HMGXB4: variants seen among roughly 807,000 people sequenced by gnomAD.
The protein encoded by HMGXB4 is HMG domain-containing protein 4.
In HMGXB4, 27 loss-of-function variants were observed where a neutral mutation model predicts 63.9. That is an observed-to-expected ratio of 0.42 (90% CI 0.31 to 0.58). The LOEUF is 0.58. Ranked by LOEUF, HMGXB4 falls within the 20% of genes least tolerant of loss-of-function variation. The probability of loss-of-function intolerance (pLI) is 0.13; values close to 1 mark genes in which losing one functional copy is unlikely to be tolerated. For synonymous variants in HMGXB4, 264 were observed against 265.3 expected, an observed-to-expected ratio of 0.99 and a Z score of 0.05; for missense variants, 624 against 700.7, an observed-to-expected ratio of 0.89 and a Z score of 1.24.
At chr22:35,279,223 C>T (rs139262487) in intron 5 of HMGXB4, among the ~76,000 whole-genome samples, 1,498 of 134,948 alleles carry the variant, frequency 0.011, 27 homozygotes, top group African/African-American at 0.038. Context: ...CTCGGCTCAC[C>T]GCAACCTCTG....
chr22:35,251,142 T>C, the HMGXB4 span, among the ~76,000 whole-genome samples: 1 of 152,102 alleles, frequency 6.6e-6, no homozygotes, highest in East Asian at 1.9e-4. Context: ...TGGCGCGATC[T>C]TGGCTCACTG....
chr22:35,264,625 G>C (rs1248503140), intron 4 of HMGXB4, 23 bp from the exon 5 acceptor site: 1 of 1,515,770 alleles, frequency 6.6e-7, no homozygotes, highest in East Asian at 2.3e-5. Flanking sequence ...CATATTGACA[G>C]TACTTCTCTT....
upstream of HMGXB4, among the ~76,000 whole-genome samples, chr22:35,253,014 C>G (rs1395610971): frequency 1.3e-5 from 2 of 151,952 alleles, no homozygotes; most frequent in African/African-American, 4.8e-5. Context: ...TACCTGTAAT[C>G]CCAGCTACTT....
At position 35,263,142 on chromosome 22, in the gene HMGXB4, G is replaced by GA; in HGVS notation, c.102dup (p.Arg35ThrfsTer28). On this transcript the variant is annotated frameshift_variant, in exon 3 of 11. Coordinates refer to ENST00000216106, the MANE Select transcript of HMGXB4 (RefSeq NM_001003681.3). LOFTEE classifies it high-confidence loss of function. ...TTGCAGCTGGCCGAAGCCAACGAGA[G>GA]AAAAAACGTTCTTACAAAGATTTTT... The GA allele has an allele frequency of 6.2e-7, 1 of 1,613,822 alleles. No homozygotes were observed. The highest frequency in any genetic ancestry group is 8.5e-7 in the Non-Finnish European group (1 of 1,179,866).
At chr22:35,281,542 A>G (rs965505237) in intron 5 of HMGXB4, among the ~76,000 whole-genome samples, 1 of 152,266 alleles carries the variant, frequency 6.6e-6, no homozygotes, top group Non-Finnish European at 1.5e-5. Context: ...GAATAGGAAC[A>G]TTAACCTTTT....
At chr22:35,258,318 G>A (rs1199274483) in intron 1 of HMGXB4, 2 of 152,140 alleles carry the variant, frequency 1.3e-5, no homozygotes, top group Admixed American at 6.5e-5. Context: ...GTGCAAAAGC[G>A]GAGAAACATC....
rs1211237257 is a variant in HMGXB4, at chr22:35,273,310, A to G, written c.1215+7707A>G. 3.3e-5 allele frequency among the ~76,000 whole-genome samples: 5 copies of G among 152,228 alleles called. No individual in the cohort carries two copies. The East Asian group carries it at 9.6e-4, about 29-fold the overall frequency. ...AGCTATAATCTTTCCACTATGCCAC[A>G]TGCCTTTCCACAACTTTAAGACATG... On this transcript the variant is annotated intron_variant, in intron 5 of 10. Transcript: ENST00000216106.
chr22:35,260,509 C>T, intron 1 of HMGXB4, among the ~76,000 whole-genome samples: 1 of 152,256 alleles, frequency 6.6e-6, no homozygotes, highest in Non-Finnish European at 1.5e-5. Flanking sequence ...AATGCTGGAA[C>T]ATGGAAAACT....
At chr22:35,259,245 T>C (rs189681768) in intron 1 of HMGXB4, among the ~76,000 whole-genome samples, 20 of 152,356 alleles carry the variant, frequency 1.3e-4, no homozygotes, top group Admixed American at 1.1e-3. Flanking sequence ...ATCAACAGTA[T>C]GAAATAGTGA....
the HMGXB4 span, among the ~76,000 whole-genome samples, chr22:35,244,954 G>A: frequency 6.6e-6 from 1 of 152,114 alleles, no homozygotes; most frequent in African/African-American, 2.4e-5. Flanking sequence ...CAGCACTGGG[G>A]AACAAACATT....
chr22:35,274,634 T>C (rs1469664421), intron 5 of HMGXB4, among the ~76,000 whole-genome samples: 1 of 152,222 alleles, frequency 6.6e-6, no homozygotes, highest in Non-Finnish European at 1.5e-5. Flanking sequence ...TACCTGTTCA[T>C]GGCGGAACAG....
At chr22:35,245,429 AT>A in the HMGXB4 span, among the ~76,000 whole-genome samples, 1 of 148,544 alleles carries the variant, frequency 6.7e-6, no homozygotes, top group South Asian at 2.1e-4. Context: ...CCTCTTAAGA[AT>A]TTTTTTCTTT....
intron 5 of HMGXB4, among the ~76,000 whole-genome samples, chr22:35,276,411 G>C (rs1923916646): frequency 6.6e-6 from 1 of 152,162 alleles, no homozygotes; most frequent in Non-Finnish European, 1.5e-5. Context: ...TGTGTAACGA[G>C]TTGCCCACAC....
upstream of HMGXB4, among the ~76,000 whole-genome samples, chr22:35,253,144 A>AAAGAAAAG (rs1555886253): frequency 2.4e-5 from 3 of 125,316 alleles, 1 homozygote; most frequent in Non-Finnish European, 3.3e-5. Context: ...AAAAAAAAAA[A>AAAGAAAAG]AAAAAAGAAA....
At chr22:35,243,468 A>G in the HMGXB4 span, among the ~76,000 whole-genome samples, 1 of 152,206 alleles carries the variant, frequency 6.6e-6, no homozygotes, top group Non-Finnish European at 1.5e-5. Context: ...TCCCTTAGTC[A>G]AGTTGGTAAG....
chr22:35,250,305 G>A, the HMGXB4 span, among the ~76,000 whole-genome samples: 5 of 152,100 alleles, frequency 3.3e-5, no homozygotes, highest in African/African-American at 7.2e-5. Context: ...GCATAGTGTC[G>A]GCATCTGCTT....
At position 35,262,381 on chromosome 22, in the gene HMGXB4, C is replaced by A. The variant is rs1202082237; in HGVS notation, c.-10C>A. The stretch of plus-strand genomic sequence containing the variant: ...CAGTGACACATTCTCAAAGGCCCTG[C>A]AGGACCACCATGGCTTATGATGACT... On this transcript the variant is annotated 5_prime_UTR_variant, in exon 2 of 11. Coordinates refer to ENST00000216106, the MANE Select transcript of HMGXB4 (RefSeq NM_001003681.3). 3 of 1,613,824 alleles carry A rather than the reference C, an allele frequency of 1.9e-6. No homozygotes were observed. Among genetic ancestry groups the A allele is most frequent in the Non-Finnish European group, 2.5e-6 (3 of 1,179,718 alleles).
chr22:35,242,051 C>T, the HMGXB4 span, among the ~76,000 whole-genome samples: 1 of 152,094 alleles, frequency 6.6e-6, no homozygotes, highest in Non-Finnish European at 1.5e-5. Context: ...GTTTTGCTCT[C>T]GGGGTAATAC....
At chr22:35,248,800 TC>T in the HMGXB4 span, among the ~76,000 whole-genome samples, 90,398 of 151,218 alleles carry the variant, frequency 0.6, 29,078 homozygotes, top group Non-Finnish European at 0.72. Context: ...TCATGAAGGA[TC>T]CCCCCCCATG....
Sources: allele counts gnomAD v4.1 joint callset (sites outside exome capture counted in the v4.1 genomes callset), GRCh38; gene constraint gnomAD v4.1.1; transcripts MANE v1.5; gene names NCBI Gene and HGNC (gene_info 2026-07-23, HGNC 2026-07-21).